ITGB3BP: variants seen among roughly 807,000 people sequenced by gnomAD.
The protein encoded by ITGB3BP is integrin subunit beta 3 binding protein.
In ITGB3BP, 27 loss-of-function variants were observed where a neutral mutation model predicts 29.1. The ratio of observed to expected loss-of-function variants is 0.93; its 90% CI spans 0.68 to 1.28. The LOEUF (loss-of-function observed/expected upper bound fraction) is 1.28, where lower values mean the gene tolerates loss of function less well. Among genes scored for constraint, ITGB3BP ranks in the 50% most tolerant of loss-of-function variants. ITGB3BP has a pLI of 0.00. For synonymous variants in ITGB3BP, 61 were observed against 61.4 expected, an observed-to-expected ratio of 0.99 and a Z score of 0.03; for missense variants, 192 against 200.2, an observed-to-expected ratio of 0.96 and a Z score of 0.25.
intron 3 of ITGB3BP, 31 bp from the exon 4 acceptor site, chr1:63,478,864 A>G: frequency 2.6e-6 from 2 of 760,500 alleles, no homozygotes; most frequent in Non-Finnish European, 2.1e-6. Flanking sequence ...AAAGGACATA[A>G]AGTTAAAGGA....
chr1:63,474,910 T>A (rs1304570356), intron 4 of ITGB3BP, among the ~76,000 whole-genome samples: 1 of 15,832 alleles, frequency 6.3e-5, no homozygotes, highest in African/African-American at 7.0e-5. Context: ...AATAAATAAA[T>A]AAAATAAAAA....
chr1:63,504,229 A>C (rs1317246273), intron 2 of ITGB3BP, among the ~76,000 whole-genome samples: 4 of 151,906 alleles, frequency 2.6e-5, no homozygotes, highest in African/African-American at 4.9e-5. Context: ...GGTCCTTCAC[A>C]TCCCTTGTAA....
intron 4 of ITGB3BP, among the ~76,000 whole-genome samples, chr1:63,461,367 A>T (rs182269109): frequency 2.1e-3 from 320 of 151,912 alleles, no homozygotes; most frequent in Non-Finnish European, 3.4e-3. Context: ...TGGACCTTAA[A>T]CCCTTATTAG....
chr1:63,454,949 TTG>T lies in ITGB3BP; in HGVS notation c.272_273del (p.Ser91Ter), dbSNP rs762217421. The T allele has an allele frequency of 1.9e-6, 3 of 1,549,926 alleles. No homozygotes were observed. Among genetic ancestry groups the T allele is most frequent in the Non-Finnish European group, 2.7e-6 (3 of 1,122,762 alleles). ...ATTTCTTCTGACAATTTCTCAACTT[TTG>T]ATAGCAACATCATGAATCTAGTAAT... ...KDNDEFMMLL[S>X]KVEKLSEEIM... On this transcript the variant is annotated frameshift_variant, in exon 5 of 9. Transcript: ENST00000271002. LOFTEE classifies it high-confidence loss of function. The surrounding 1 kb of genome is among the most constrained non-coding windows in gnomAD (Gnocchi z 4.1).
upstream of ITGB3BP, among the ~76,000 whole-genome samples, chr1:63,525,329 A>G (rs978788436): frequency 7.9e-5 from 12 of 152,172 alleles, no homozygotes; most frequent in African/African-American, 2.7e-4. Flanking sequence ...ATATATCTAA[A>G]ATTAGAAATT....
chr1:63,522,821 C>A, intron 1 of ITGB3BP: 4 of 488,430 alleles, frequency 8.2e-6, no homozygotes, highest in South Asian at 7.1e-5. Context: ...TTCATCTACT[C>A]TGTCCCATCC....
At chr1:63,447,637 G>A (rs200972482) in intron 7 of ITGB3BP, 3 of 486,022 alleles carry the variant, frequency 6.2e-6, no homozygotes, top group Non-Finnish European at 1.2e-5. Context: ...GCAGGAGTTT[G>A]TAAGACAGAG....
intron 3 of ITGB3BP, among the ~76,000 whole-genome samples, chr1:63,479,944 C>A (rs986085822): frequency 9.2e-5 from 14 of 151,942 alleles, no homozygotes; most frequent in Non-Finnish European, 7.4e-5. Flanking sequence ...GATTTAATAT[C>A]CTTTGAATAT....
At chr1:63,499,923 A>G (rs909370087) in intron 2 of ITGB3BP, among the ~76,000 whole-genome samples, 3 of 152,242 alleles carry the variant, frequency 2.0e-5, no homozygotes, top group Non-Finnish European at 4.4e-5. Flanking sequence ...CTCTAAGATC[A>G]GGTACAAGAA....
At chr1:63,512,533 TA>T (rs1306123599) in intron 1 of ITGB3BP, among the ~76,000 whole-genome samples, 4 of 152,122 alleles carry the variant, frequency 2.6e-5, no homozygotes, top group Non-Finnish European at 5.9e-5. Flanking sequence ...CAATTTTGAA[TA>T]ACAGGACTGA....
chr1:63,444,273 CACTAAATGTTGCACGTTCATTT>C (rs1644762080), intron 8 of ITGB3BP, among the ~76,000 whole-genome samples: 2 of 152,014 alleles, frequency 1.3e-5, no homozygotes, highest in South Asian at 4.1e-4. Flanking sequence ...GATTATCAAA[CACTAAATGTTGCACGTTCATTT>C]ACTAAATGTG....
chr1:63,469,329 A>ATTAT (rs1553161157), intron 4 of ITGB3BP, among the ~76,000 whole-genome samples: 1 of 149,566 alleles, frequency 6.7e-6, no homozygotes, highest in Non-Finnish European at 1.5e-5. Context: ...TATTATTATT[A>ATTAT]TTTTTTTTTT....
At chr1:63,485,158 T>C (rs1645503419) in intron 3 of ITGB3BP, among the ~76,000 whole-genome samples, 1 of 152,090 alleles carries the variant, frequency 6.6e-6, no homozygotes. Context: ...AGAACATGTA[T>C]GGAACATATA....
At chr1:63,458,940 A>G (rs563517912) in intron 4 of ITGB3BP, among the ~76,000 whole-genome samples, 1 of 152,206 alleles carries the variant, frequency 6.6e-6, no homozygotes, top group South Asian at 2.1e-4. Context: ...TATATTTTCC[A>G]TGATTCATCA....
chr1:63,460,428 C>CTTA (rs1387912638), intron 4 of ITGB3BP, among the ~76,000 whole-genome samples: 1 of 152,188 alleles, frequency 6.6e-6, no homozygotes, highest in African/African-American at 2.4e-5. Context: ...GCTTATTTCA[C>CTTA]TTAGCATAAT....
At chr1:63,512,555 G>C (rs921425065) in intron 1 of ITGB3BP, among the ~76,000 whole-genome samples, 1 of 152,074 alleles carries the variant, frequency 6.6e-6, no homozygotes, top group Admixed American at 6.5e-5. Flanking sequence ...GGGGAAGAAT[G>C]GGGGGTAAAG....
At chr1:63,453,118 C>T (rs201817699) in intron 7 of ITGB3BP, among the ~76,000 whole-genome samples, 1 of 152,248 alleles carries the variant, frequency 6.6e-6, no homozygotes, top group East Asian at 1.9e-4. Context: ...TTTGTGTCTT[C>T]GTTCCTTGTC....
intron 8 of ITGB3BP, among the ~76,000 whole-genome samples, chr1:63,441,931 A>T (rs6679199): frequency 0.18 from 27,841 of 151,100 alleles, 2,716 homozygotes; most frequent in Middle Eastern, 0.27. Context: ...GTGGGAAGAG[A>T]TCTTTAAAAA....
intron 4 of ITGB3BP, among the ~76,000 whole-genome samples, chr1:63,475,153 AT>A (rs1195619397): frequency 4.6e-5 from 7 of 152,048 alleles, no homozygotes; most frequent in African/African-American, 1.7e-4. Flanking sequence ...TTAAAAAAAA[AT>A]TTTGTAGAGA....
Sources: gnomAD v4.1 joint callset for allele counts (sites outside exome capture counted in the v4.1 genomes callset) on GRCh38, gnomAD v4.1.1 for gene constraint, Gnocchi (gnomAD v3.1) non-coding constraint, MANE v1.5 for transcripts, NCBI Gene and HGNC (gene_info 2026-07-23, HGNC 2026-07-21) for gene names.